Variants in ANGPT1 observed in about 807,000 individuals in gnomAD.
ANGPT1 encodes angiopoietin-1.
In ANGPT1, 17 loss-of-function variants were observed where a neutral mutation model predicts 62.2. That is an observed-to-expected ratio of 0.27 (90% CI 0.19 to 0.41). ANGPT1 has a LOEUF of 0.41. ANGPT1 is among the 10% of genes least tolerant of loss of function. The probability of loss-of-function intolerance (pLI) is 1.00; values close to 1 mark genes in which losing one functional copy is unlikely to be tolerated. For missense variants in ANGPT1, 478 were observed against 594.9 expected (o/e 0.80, Z 2.04); for synonymous variants, 199 against 198.9 (o/e 1.00, Z 0.00).
At chr8:107,371,484 G>C (rs1477402286) in intron 1 of ANGPT1, among the ~76,000 whole-genome samples, 2 of 151,880 alleles carry the variant, frequency 1.3e-5, no homozygotes, top group African/African-American at 4.8e-5. Flanking sequence ...TGTGGTTTGT[G>C]GTGGAGGCTA....
At chr8:107,258,066 G>A (rs1813412045) in intron 8 of ANGPT1, among the ~76,000 whole-genome samples, 1 of 150,438 alleles carries the variant, frequency 6.6e-6, no homozygotes, top group East Asian at 2.0e-4. Context: ...AAACTTCTAG[G>A]TATTCTTTTA....
intron 7 of ANGPT1, among the ~76,000 whole-genome samples, chr8:107,281,174 C>T (rs1813995014): frequency 6.6e-6 from 1 of 152,052 alleles, no homozygotes; most frequent in South Asian, 2.1e-4. Context: ...ACAACACTTT[C>T]TTTTAATTAA....
At chr8:107,405,156 A>T (rs1382565158) in intron 1 of ANGPT1, among the ~76,000 whole-genome samples, 1 of 151,920 alleles carries the variant, frequency 6.6e-6, no homozygotes, top group Non-Finnish European at 1.5e-5. Flanking sequence ...TAAATAATTG[A>T]TATTACAGTT....
At chr8:107,281,519 C>T (rs1814002744) in intron 7 of ANGPT1, among the ~76,000 whole-genome samples, 1 of 152,144 alleles carries the variant, frequency 6.6e-6, no homozygotes, top group Non-Finnish European at 1.5e-5. Context: ...TGGCTCACTC[C>T]TGTAATCCCA....
intron 1 of ANGPT1, among the ~76,000 whole-genome samples, chr8:107,374,363 A>T (rs892247): frequency 5.9e-5 from 9 of 152,160 alleles, no homozygotes; most frequent in Admixed American, 3.9e-4. Context: ...ACACAATGGC[A>T]GTTCTCATGA....
chr8:107,373,073 G>A (rs1816448542), intron 1 of ANGPT1, among the ~76,000 whole-genome samples: 1 of 152,098 alleles, frequency 6.6e-6, no homozygotes, highest in African/African-American at 2.4e-5. Context: ...GTTTATCTCA[G>A]ACAGAAAAGT....
chr8:107,345,538 T>C lies in ANGPT1; in HGVS notation c.453+1404A>G, dbSNP rs369622744. ...TCTGCCATGTGTTCCAGAAAAGTTA[T>C]TGTAATAGAAACTTATACAAATTTC... On this transcript the variant is annotated intron_variant, in intron 2 of 8. Transcript: ENST00000517746. Among the ~76,000 whole-genome samples the C allele has an allele frequency of 4.6e-5, 7 of 152,162 alleles. No homozygotes were observed. The East Asian group carries it at 5.8e-4, about 13-fold the overall frequency.
intron 1 of ANGPT1, among the ~76,000 whole-genome samples, chr8:107,379,482 A>G (rs1338158988): frequency 1.3e-5 from 2 of 152,150 alleles, no homozygotes; most frequent in African/African-American, 2.4e-5. Context: ...AATAAATGAT[A>G]TTTATGAAAA....
intron 6 of ANGPT1, among the ~76,000 whole-genome samples, chr8:107,290,703 T>G (rs540366436): frequency 1.1e-4 from 16 of 152,328 alleles, no homozygotes; most frequent in African/African-American, 3.4e-4. Context: ...TTTTTGATCA[T>G]GCAAAATTGA....
chr8:107,486,713 C>T (rs990812794), intron 1 of ANGPT1, among the ~76,000 whole-genome samples: 1 of 152,054 alleles, frequency 6.6e-6, no homozygotes, highest in Non-Finnish European at 1.5e-5. Flanking sequence ...GGTTACACAG[C>T]AAGTCAGTGG....
intron 5 of ANGPT1, among the ~76,000 whole-genome samples, chr8:107,301,234 C>T (rs796812244): frequency 7.9e-5 from 12 of 152,022 alleles, no homozygotes; most frequent in African/African-American, 2.7e-4. Context: ...ATCACAGAAT[C>T]ACTATGAGTC....
At chr8:107,400,564 T>TC (rs200866581) in intron 1 of ANGPT1, among the ~76,000 whole-genome samples, 72 of 150,476 alleles carry the variant, frequency 4.8e-4, no homozygotes, top group African/African-American at 1.6e-3. Context: ...TTTCTTTCTT[T>TC]TTTTTTTTTT....
At chr8:107,354,124 G>A (rs1815991137) in intron 1 of ANGPT1, among the ~76,000 whole-genome samples, 1 of 151,958 alleles carries the variant, frequency 6.6e-6, no homozygotes, top group African/African-American at 2.4e-5. Flanking sequence ...CCCTAGAGTT[G>A]GGCCAGGACC....
intron 6 of ANGPT1, among the ~76,000 whole-genome samples, chr8:107,292,768 T>C (rs1173805984): frequency 6.6e-6 from 1 of 152,190 alleles, no homozygotes; most frequent in Non-Finnish European, 1.5e-5. Context: ...TTTACTGTCA[T>C]TTGACCAACT....
chr8:107,485,044 T>C (rs1217846188), intron 1 of ANGPT1, among the ~76,000 whole-genome samples: 1 of 152,190 alleles, frequency 6.6e-6, no homozygotes, highest in African/African-American at 2.4e-5. Context: ...CTTAATAGTT[T>C]CCTGCACATT....
At chr8:107,353,791 G>C (rs1042353067) in intron 1 of ANGPT1, among the ~76,000 whole-genome samples, 6 of 152,116 alleles carry the variant, frequency 3.9e-5, no homozygotes, top group African/African-American at 1.4e-4. Flanking sequence ...GAGTCTAGCA[G>C]GAAATAGAAA....
Position 107,271,875 on chromosome 8 carries a change from T to C in ANGPT1, c.1206-7524A>G, listed in dbSNP as rs554310210. On this transcript the variant is annotated intron_variant, in intron 7 of 8. Coordinates refer to ENST00000517746, the MANE Select transcript of ANGPT1 (RefSeq NM_001146.5). ...GAATCCAATATATATTTGTTTGGTT[T>C]TCCTTTCTTTACTCATAATTGATAC... Among the ~76,000 whole-genome samples the C allele has an allele frequency of 2.3e-3, 340 of 151,100 alleles. 1 individual carries two copies. Among genetic ancestry groups the C allele is most frequent in the Non-Finnish European group, 4.1e-3 (278 of 67,794 alleles).
intron 2 of ANGPT1, among the ~76,000 whole-genome samples, chr8:107,337,408 G>A (rs1586236517): frequency 6.6e-6 from 1 of 152,004 alleles, no homozygotes; most frequent in Non-Finnish European, 1.5e-5. Context: ...GTCCAGCTGG[G>A]CCTTATTATG....
intron 4 of ANGPT1, among the ~76,000 whole-genome samples, chr8:107,317,499 TTTCC>T (rs1413849830): frequency 2.0e-5 from 3 of 152,240 alleles, no homozygotes; most frequent in Non-Finnish European, 2.9e-5. Context: ...TCTTTTCTTT[TTTCC>T]TTCCTTCCTT....
Sources: allele counts gnomAD v4.1 joint callset (sites outside exome capture counted in the v4.1 genomes callset), GRCh38; gene constraint gnomAD v4.1.1; transcripts MANE v1.5; gene names NCBI Gene and HGNC (gene_info 2026-07-23, HGNC 2026-07-21).